PCNX1: variants seen among roughly 807,000 people sequenced by gnomAD.
PCNX1 encodes pecanex 1.
In PCNX1, 78 loss-of-function variants were observed where a neutral mutation model predicts 242.2. That is an observed-to-expected ratio of 0.32 (90% confidence interval 0.27 to 0.39). The LOEUF (loss-of-function observed/expected upper bound fraction) is 0.39, where lower values mean the gene tolerates loss of function less well. PCNX1 is among the 10% of genes least tolerant of loss of function. PCNX1 has a pLI of 1.00. For missense variants in PCNX1, 2,581 were observed against 2,856.5 expected, an observed-to-expected ratio of 0.90 and a Z score of 2.20; for synonymous variants, 1,024 against 1,032.9, an observed-to-expected ratio of 0.99 and a Z score of 0.17.
chr14:71,075,996 A>C (rs2061708727), intron 27 of PCNX1, among the ~76,000 whole-genome samples, 193 bp from the exon 28 acceptor site: 1 of 152,022 alleles, frequency 6.6e-6, no homozygotes, highest in South Asian at 2.1e-4. Flanking sequence ...GTAAGGCCTG[A>C]GGTATATTAT....
intron 5 of PCNX1, among the ~76,000 whole-genome samples, chr14:70,970,541 C>T (rs1322283917): frequency 2.0e-5 from 3 of 152,208 alleles, no homozygotes; most frequent in Non-Finnish European, 4.4e-5. Context: ...TGGAAAGTAC[C>T]ATATGCAAAC....
chr14:71,104,941 T>C (rs2062569901), intron 32 of PCNX1, among the ~76,000 whole-genome samples: 1 of 152,186 alleles, frequency 6.6e-6, no homozygotes, highest in South Asian at 2.1e-4. Context: ...AAAAATTCCA[T>C]TTCCAGCTGT....
chr14:71,006,118 TGTGTGTGTGTGTG>T (rs2059656297), intron 8 of PCNX1, among the ~76,000 whole-genome samples: 1 of 37,716 alleles, frequency 2.7e-5, no homozygotes, highest in Non-Finnish European at 4.6e-5. Context: ...TGTGTGTGTG[TGTGTGTGTGTGTG>T]TGTGTGTGTG....
intron 26 of PCNX1, among the ~76,000 whole-genome samples, chr14:71,068,041 A>T (rs750547388): frequency 3.3e-5 from 5 of 152,062 alleles, no homozygotes; most frequent in Non-Finnish European, 7.4e-5. Flanking sequence ...AATGTGACTA[A>T]GTGGGTTGGG....
chr14:70,988,475 A>G (rs2059061752), intron 6 of PCNX1, 92 bp from the exon 7 acceptor site: 4 of 1,331,954 alleles, frequency 3.0e-6, no homozygotes, highest in Non-Finnish European at 4.2e-6. Context: ...CACTTTACCC[A>G]TGAGGGTGGG....
chr14:70,996,035 G>C (rs1172737970), intron 8 of PCNX1, 110 bp downstream of exon 8: 1 of 812,868 alleles, frequency 1.2e-6, no homozygotes, highest in Admixed American at 2.0e-5. Flanking sequence ...CTATGCATAG[G>C]AGCACTTTTT....
intron 13 of PCNX1, 31 bp downstream of exon 13, chr14:71,023,263 T>C: frequency 6.7e-7 from 1 of 1,493,936 alleles, no homozygotes; most frequent in Non-Finnish European, 9.3e-7. Flanking sequence ...CTGTACATTA[T>C]AGGTCCTTAA....
chr14:70,977,263 G>A lies in PCNX1; in HGVS notation c.926G>A (p.Gly309Glu), dbSNP rs764870144. Residue 309 changes from glycine to glutamate, a missense_variant, in exon 6 of 36, where the codon GGA (glycine) becomes GAA (glutamate). This residue lies in a region of PCNX1 where 1,204 missense variants were observed against 1,216.7 expected (regional missense o/e 0.99). Transcript: ENST00000304743. ...NDFPLYQQRR[G>E]LDPVSELESS... ...TTTCCCCTTTATCAGCAAAGACGTG[G>A]ATTAGATCCAGTTAGTGAGTTAGAA... 6.2e-7 allele frequency: 1 copy of A among 1,614,058 alleles called. No individual in the cohort carries two copies. The highest frequency in any genetic ancestry group is 8.5e-7 in the Non-Finnish European group (1 of 1,180,020).
In PCNX1 at chr14:70,978,229, A is replaced by T; in HGVS notation, c.1892A>T (p.His631Leu). Residue 631 changes from histidine to leucine, a missense_variant, in exon 6 of 36, where the codon CAT (histidine) becomes CTT (leucine). His to Leu is a moderately conservative substitution (Grantham distance 99). Coordinates refer to ENST00000304743, the MANE Select transcript of PCNX1 (RefSeq NM_014982.3). Reference sequence around the variant, plus strand: ...GATAGCTCTTCTAGCACCACTTCTCATTCCTGTCAGTCTCCTGAGGGCAGA... The same window carrying T: ...GATAGCTCTTCTAGCACCACTTCTCTTTCCTGTCAGTCTCCTGAGGGCAGA... ...SSDSSSSTTS[H>L]SCQSPEGRYS... 6.2e-7 allele frequency: 1 copy of T among 1,614,092 alleles called. No homozygotes were observed. Among genetic ancestry groups the T allele is most frequent in the Non-Finnish European group, 8.5e-7 (1 of 1,180,014 alleles).
intron 26 of PCNX1, among the ~76,000 whole-genome samples, chr14:71,058,773 C>T (rs1008148300): frequency 2.0e-5 from 3 of 152,182 alleles, no homozygotes; most frequent in African/African-American, 4.8e-5. Context: ...CAAATTAATG[C>T]GGAGTAAATG....
intron 19 of PCNX1, among the ~76,000 whole-genome samples, chr14:71,043,883 A>C (rs1033312862): frequency 4.6e-5 from 7 of 152,080 alleles, no homozygotes; most frequent in African/African-American, 1.7e-4. Context: ...TGGAGGTGTT[A>C]CATTTTCTTG....
chr14:71,018,174 A>T (rs1183010334), intron 11 of PCNX1, among the ~76,000 whole-genome samples: 3 of 151,966 alleles, frequency 2.0e-5, no homozygotes, highest in Admixed American at 1.3e-4. Flanking sequence ...TATGTATGAG[A>T]TGTACTGAGC....
intron 24 of PCNX1, 75 bp from the exon 25 acceptor site, chr14:71,055,429 G>T (rs1042476877): frequency 1.5e-5 from 13 of 853,596 alleles, no homozygotes; most frequent in East Asian, 1.2e-4. Flanking sequence ...ATTTCCTATA[G>T]TTTCTTCCTC....
chr14:70,996,451 A>G (rs148961689), intron 8 of PCNX1, among the ~76,000 whole-genome samples: 57 of 152,314 alleles, frequency 3.7e-4, no homozygotes, highest in Middle Eastern at 3.4e-3. Flanking sequence ...AATGTCACAT[A>G]ATAACTTTAT....
chr14:70,967,989 T>C (rs1165874019), intron 3 of PCNX1, among the ~76,000 whole-genome samples: 1 of 152,166 alleles, frequency 6.6e-6, no homozygotes, highest in Non-Finnish European at 1.5e-5. Context: ...TAGCTCCACA[T>C]ATCAGTAAGA....
At chr14:71,098,658 T>C (rs76118226) in intron 30 of PCNX1, among the ~76,000 whole-genome samples, 108 of 152,246 alleles carry the variant, frequency 7.1e-4, no homozygotes, top group Non-Finnish European at 1.1e-3. Flanking sequence ...GTATGCTGAT[T>C]TTGTATGCTG....
chr14:71,086,623 T>C (rs1169860769), intron 28 of PCNX1, among the ~76,000 whole-genome samples: 1 of 152,222 alleles, frequency 6.6e-6, no homozygotes, highest in East Asian at 1.9e-4. Flanking sequence ...TTCCTTTGTA[T>C]TCCATTCGGA....
chr14:70,911,700 A>T (rs896257323), intron 1 of PCNX1, among the ~76,000 whole-genome samples: 1 of 152,098 alleles, frequency 6.6e-6, no homozygotes, highest in African/African-American at 2.4e-5. Context: ...TGATTTACTC[A>T]TTTGTGAGAT....
At chr14:71,057,806 G>T in intron 26 of PCNX1, 82 bp downstream of exon 26, 1 of 943,218 alleles carries the variant, frequency 1.1e-6, no homozygotes, top group Admixed American at 2.1e-5. Flanking sequence ...CAAACCAGAA[G>T]TTGTCATAGA....
Sources: gnomAD v4.1 joint callset for allele counts (sites outside exome capture counted in the v4.1 genomes callset) on GRCh38, gnomAD v4.1.1 for gene constraint, gnomAD v4.1.1 regional missense constraint, MANE v1.5 for transcripts, NCBI Gene and HGNC (gene_info 2026-07-23, HGNC 2026-07-21) for gene names.